Variants in FBRSL1 observed in about 807,000 individuals in gnomAD.
FBRSL1 encodes the protein fibrosin-1-like protein.
FBRSL1 carries 51 observed loss-of-function variants against 89.6 expected under a neutral mutation model. The ratio of observed to expected loss-of-function variants is 0.57; its 90% confidence interval spans 0.45 to 0.72. The LOEUF (loss-of-function observed/expected upper bound fraction) is 0.72, where lower values mean the gene tolerates loss of function less well. Among genes scored for constraint, FBRSL1 ranks in the 30% least tolerant of loss-of-function variants. FBRSL1 has a pLI of 0.00. For missense variants in FBRSL1, 1,618 were observed against 1,451.8 expected (o/e 1.11, Z -1.86); for synonymous variants, 779 against 681.1 (o/e 1.14, Z -2.24).
Position 132,570,045 on chromosome 12 carries a change from G to T in FBRSL1, c.811G>T (p.Ala271Ser), listed in dbSNP as rs1384451026. Residue 271 changes from alanine to serine, a missense_variant, in exon 7 of 19, where the codon GCC becomes TCC. Coordinates refer to ENST00000680143, the MANE Select transcript of FBRSL1 (RefSeq NM_001367871.1). ...FLPTASPAPH[A>S]APCPGPPPGS... ...GCCCACTGCCAGCCCCGCGCCCCAT[G>T]CCGCGCCCTGCCCGGGGCCCCCGCC... is the stretch of plus-strand genomic sequence containing the variant. The T allele has an allele frequency of 2.0e-6, 3 of 1,505,532 alleles. No individual in the cohort carries two copies. Among genetic ancestry groups the T allele is most frequent in the Non-Finnish European group, 2.6e-6 (3 of 1,133,924 alleles). The allele number at this position is 1,505,532 out of a possible 1,614,324, so 93.3% of individuals were successfully genotyped here.
At chr12:132,508,067 C>T (rs1045406060) in intron 1 of FBRSL1, 86 bp from the exon 2 acceptor site, 35 of 1,353,870 alleles carry the variant, frequency 2.6e-5, no homozygotes, top group Non-Finnish European at 3.5e-5. Flanking sequence ...GAGGCTCCTT[C>T]CCAAGAGCTG....
Position 132,583,321 on chromosome 12 carries a change from C to G in FBRSL1, c.2552C>G (p.Ala851Gly). The G allele has an allele frequency of 8.4e-7, 1 of 1,192,062 alleles. No homozygotes were observed. Among genetic ancestry groups the G allele is most frequent in the Non-Finnish European group, 1.0e-6 (1 of 959,996 alleles). The allele number at this position is 1,192,062 out of a possible 1,614,324, so 73.8% of individuals were successfully genotyped here. A position where few individuals can be genotyped will look rare whatever the true frequency, so the allele number is the denominator to read the frequency against. Residue 851 changes from alanine (A) to glycine (G), a missense_variant, in exon 19 of 19, where the codon GCG (alanine) becomes GGG (glycine). Coordinates refer to ENST00000680143, the MANE Select transcript of FBRSL1 (RefSeq NM_001367871.1). ...GRERLGAPGF[A>G]WEPFRGLELP... ...GAGCGCCTGGGCGCGCCGGGCTTCG[C>G]GTGGGAGCCTTTCCGCGGCCTGGAG...
intron 18 of FBRSL1, among the ~76,000 whole-genome samples, chr12:132,582,568 T>C (rs1198437706): frequency 6.6e-6 from 1 of 151,260 alleles, no homozygotes; most frequent in East Asian, 2.0e-4. Context: ...GCCCTGGGGC[T>C]AGGAAGGATG....
At chr12:132,527,680 G>A (rs1391573830) in intron 3 of FBRSL1, among the ~76,000 whole-genome samples, 2 of 148,922 alleles carry the variant, frequency 1.3e-5, no homozygotes, top group South Asian at 2.2e-4. Context: ...GCGGGGCTGT[G>A]GGGCAGGGTT....
chr12:132,545,088 C>G (rs905024449), intron 4 of FBRSL1, among the ~76,000 whole-genome samples: 1 of 152,194 alleles, frequency 6.6e-6, no homozygotes, highest in African/African-American at 2.4e-5. Flanking sequence ...CGGCACGGAG[C>G]TCAGGGCCTC....
At chr12:132,578,437 T>G (rs1417953978) in intron 15 of FBRSL1, among the ~76,000 whole-genome samples, 1 of 151,744 alleles carries the variant, frequency 6.6e-6, no homozygotes, top group Non-Finnish European at 1.5e-5. Context: ...TTCATCCTCG[T>G]CCTCACACGG....
chr12:132,508,719 T>C (rs1008752225), intron 2 of FBRSL1, among the ~76,000 whole-genome samples: 1 of 152,236 alleles, frequency 6.6e-6, no homozygotes, highest in Non-Finnish European at 1.5e-5. Context: ...GGGTCCAGGC[T>C]CATTGCCGAG....
At chr12:132,573,978 C>A (rs1941295941) in intron 11 of FBRSL1, 112 bp from the exon 12 acceptor site, 2 of 613,138 alleles carry the variant, frequency 3.3e-6, no homozygotes, top group Admixed American at 4.9e-5. Context: ...GCGTGCGGGG[C>A]CCCACGGCAA....
At chr12:132,532,844 G>C (rs112353384) in intron 4 of FBRSL1, among the ~76,000 whole-genome samples, 1 of 152,218 alleles carries the variant, frequency 6.6e-6, no homozygotes, top group Non-Finnish European at 1.5e-5. Flanking sequence ...CCTGGGACAG[G>C]GAGGCTGGAG....
intron 1 of FBRSL1, among the ~76,000 whole-genome samples, chr12:132,503,484 G>C (rs1018283638): frequency 2.0e-5 from 3 of 152,270 alleles, no homozygotes; most frequent in African/African-American, 7.2e-5. Flanking sequence ...TGTGGGGGCT[G>C]TCGCCCACCA....
chr12:132,566,831 C>T (rs1050420224), intron 5 of FBRSL1, among the ~76,000 whole-genome samples: 2 of 150,774 alleles, frequency 1.3e-5, no homozygotes, highest in Non-Finnish European at 3.0e-5. Flanking sequence ...CAGTCCCCAG[C>T]ACATAATGCA....
intron 1 of FBRSL1, among the ~76,000 whole-genome samples, chr12:132,502,887 T>C (rs1191697441): frequency 1.4e-5 from 2 of 139,284 alleles, no homozygotes; most frequent in Non-Finnish European, 3.1e-5. Flanking sequence ...CCCCGCCCTC[T>C]CCTGTCCACC....
In FBRSL1 at chr12:132,546,964, C is replaced by T. The variant is rs371036875; in HGVS notation, c.616-1039C>T. On this transcript the variant is annotated intron_variant, in intron 4 of 18. Coordinates refer to ENST00000680143, the MANE Select transcript of FBRSL1 (RefSeq NM_001367871.1). The surrounding 1 kb of genome is among the most constrained non-coding windows in gnomAD (Gnocchi z 4.0). ...CCAGTGGGCTCCACATAGGAGGGCGCCGCCCACACATCCGGCTGGCACTCA... is the reference window on the plus strand; with the variant it reads ...CCAGTGGGCTCCACATAGGAGGGCGTCGCCCACACATCCGGCTGGCACTCA... Among the ~76,000 whole-genome samples the T allele has an allele frequency of 2.0e-5, 3 of 152,366 alleles. No homozygotes were observed. Among genetic ancestry groups the T allele is most frequent in the South Asian group, 2.1e-4 (1 of 4,830 alleles).
intron 4 of FBRSL1, among the ~76,000 whole-genome samples, chr12:132,530,814 A>G (rs2137011068): frequency 6.6e-6 from 1 of 151,346 alleles, no homozygotes. Flanking sequence ...GCCTGGGAGG[A>G]CCCTGAGGGC....
intron 1 of FBRSL1, among the ~76,000 whole-genome samples, chr12:132,493,273 C>G (rs893491205): frequency 1.3e-5 from 2 of 152,240 alleles, no homozygotes; most frequent in African/African-American, 4.8e-5. Context: ...GTCCCTCTGC[C>G]CCCACCCGCG....
intron 1 of FBRSL1, among the ~76,000 whole-genome samples, chr12:132,503,159 G>A (rs866849537): frequency 1.4e-5 from 2 of 147,528 alleles, no homozygotes; most frequent in African/African-American, 5.0e-5. Context: ...CCCCTAGAGT[G>A]CAGCCACATG....
intron 5 of FBRSL1, chr12:132,553,862 G>GTCTC (rs974938558): frequency 6.6e-6 from 1 of 152,216 alleles, no homozygotes; most frequent in African/African-American, 2.4e-5. Flanking sequence ...TCCAGGATGG[G>GTCTC]TCTCACCAGG....
At chr12:132,560,641 T>C (rs1401658796) in intron 5 of FBRSL1, among the ~76,000 whole-genome samples, 2 of 152,084 alleles carry the variant, frequency 1.3e-5, no homozygotes, top group African/African-American at 4.8e-5. Context: ...CCGAGGCTGC[T>C]CCGCGGGTCG....
Position 132,505,760 on chromosome 12 carries a change from G to A in FBRSL1, c.292-2393G>A, listed in dbSNP as rs571976897. Among the ~76,000 whole-genome samples, 4 of 152,354 alleles carry A rather than the reference G, an allele frequency of 2.6e-5. No homozygotes were observed. In the East Asian group the frequency reaches 7.7e-4, roughly 29 times the overall value. ...GTGGGGCCTCTGAAACCTGCCAGGC[G>A]AAGCCCACAGGGCCAGCCTTACCCT... On this transcript the variant is annotated intron_variant, in intron 1 of 18. Coordinates refer to ENST00000680143, the MANE Select transcript of FBRSL1 (RefSeq NM_001367871.1).
Sources: gnomAD v4.1 joint callset for allele counts (sites outside exome capture counted in the v4.1 genomes callset) on GRCh38, gnomAD v4.1.1 for gene constraint, Gnocchi (gnomAD v3.1) non-coding constraint, MANE v1.5 for transcripts, NCBI Gene and HGNC (gene_info 2026-07-23, HGNC 2026-07-21) for gene names.